DNAAF9: variants seen among roughly 807,000 people sequenced by gnomAD.
The protein encoded by DNAAF9 is shulin.
In DNAAF9, 90 loss-of-function variants were observed where a neutral mutation model predicts 167.0. That is an observed-to-expected ratio of 0.54 (90% CI 0.45 to 0.64). The LOEUF is 0.64. Among genes scored for constraint, DNAAF9 ranks in the 30% least tolerant of loss-of-function variants. The probability of loss-of-function intolerance (pLI) is 0.00; values close to 1 mark genes in which losing one functional copy is unlikely to be tolerated. For missense variants in DNAAF9, 1,315 were observed against 1,442.2 expected, an observed-to-expected ratio of 0.91 and a Z score of 1.43; for synonymous variants, 491 against 508.8, an observed-to-expected ratio of 0.96 and a Z score of 0.47.
chr20:3,370,975 T>TA (rs1296918412), intron 6 of DNAAF9, among the ~76,000 whole-genome samples: 1 of 152,172 alleles, frequency 6.6e-6, no homozygotes, highest in Non-Finnish European at 1.5e-5. Flanking sequence ...GACTATTACA[T>TA]AACAACCTTT....
rs760127533 is a variant in DNAAF9 at position 3,348,545 on chromosome 20, A to C, written c.769T>G (p.Ser257Ala). The change falls in exon 8 of 37, where the codon TCA (serine) becomes GCA (alanine). Residue 257 changes from serine (S) to alanine (A), a missense_variant. Transcript: ENST00000252032. ...DTEIPFLLEL[S>A]ESQAGEPFRS... is the part of the protein sequence containing the mutation. ...CATACCTCACCCGCCTGAGATTCTG[A>C]AAGTTCTAGCAGGAAAGGAATTTCT... The C allele has an allele frequency of 5.6e-6, 9 of 1,597,834 alleles. No individual in the cohort carries two copies. The highest frequency in any genetic ancestry group is 6.8e-6 in the Non-Finnish European group (8 of 1,169,740).
At chr20:3,303,013 T>C (rs1246363307) in intron 21 of DNAAF9, among the ~76,000 whole-genome samples, 1 of 151,860 alleles carries the variant, frequency 6.6e-6, no homozygotes, top group Non-Finnish European at 1.5e-5. Flanking sequence ...CCGAGGTGAG[T>C]GGATCACGAG....
In DNAAF9 at chr20:3,407,594, G is replaced by A. The variant is rs2084083066; in HGVS notation, c.-37C>T. On this transcript the variant is annotated 5_prime_UTR_variant, in exon 1 of 37. Transcript: ENST00000252032. ...ACTGGCGGCGGAGGAGGACGGTGCA[G>A]CTGCGAGGGTCTCAGTTGCCCGCAG... 6.6e-6 allele frequency: 8 copies of A among 1,217,070 alleles called. No individual in the cohort carries two copies. In the East Asian group the frequency reaches 2.6e-4, roughly 40 times the overall value. The allele number at this position is 1,217,070 out of a possible 1,614,324, so 75.4% of individuals were successfully genotyped here.
chr20:3,375,236 G>A lies in DNAAF9; in HGVS notation c.409-110C>T, dbSNP rs560831250. The A allele has an allele frequency of 1.3e-5, 9 of 711,576 alleles. No homozygotes were observed. In the South Asian group the frequency reaches 1.4e-4, roughly 11 times the overall value. 44.1% of individuals were successfully genotyped at this position (711,576 alleles called of 1,614,324 possible). ...GTTGTCCCAAATGACATTTACAGAGGACTGCACCCAAGGAGGTGTTTCCAA... is the reference window on the plus strand; with the variant it reads ...GTTGTCCCAAATGACATTTACAGAGAACTGCACCCAAGGAGGTGTTTCCAA... On this transcript the variant is annotated intron_variant, in intron 4 of 36. Coordinates refer to ENST00000252032, the MANE Select transcript of DNAAF9 (RefSeq NM_001009984.3).
chr20:3,400,945 C>T lies in DNAAF9; in HGVS notation c.83+6530G>A, dbSNP rs117539430. Among the ~76,000 whole-genome samples the T allele has an allele frequency of 6.7e-3, 1,018 of 152,308 alleles. 4 individuals are homozygous for T. The highest frequency in any genetic ancestry group is 9.0e-3 in the Non-Finnish European group (612 of 68,028). ...TTACTTCTACAGGCACCACACCAAG[C>T]CTTCCTGGCCAGCATCCAAGTAAAC... On this transcript the variant is annotated intron_variant, in intron 1 of 36. Coordinates refer to ENST00000252032, the MANE Select transcript of DNAAF9 (RefSeq NM_001009984.3).
intron 21 of DNAAF9, among the ~76,000 whole-genome samples, chr20:3,303,258 T>C (rs147413641): frequency 0.062 from 9,349 of 149,930 alleles, 370 homozygotes; most frequent in Non-Finnish European, 0.082. Context: ...AAAAAAAAAA[T>C]CAGTAACTGG....
At chr20:3,257,051 G>A (rs1398976879) in intron 33 of DNAAF9, among the ~76,000 whole-genome samples, 1 of 152,056 alleles carries the variant, frequency 6.6e-6, no homozygotes, top group African/African-American at 2.4e-5. Flanking sequence ...GTTGCACGAA[G>A]GTCACACAGA....
intron 5 of DNAAF9, among the ~76,000 whole-genome samples, chr20:3,374,730 C>A (rs189605537): frequency 7.1e-4 from 108 of 152,284 alleles, no homozygotes; most frequent in Non-Finnish European, 1.3e-3. Context: ...TACCAAGATG[C>A]CCCAACATCT....
chr20:3,293,372 G>GAGGCAAGAGC (rs1351783668), intron 25 of DNAAF9, among the ~76,000 whole-genome samples: 1 of 150,186 alleles, frequency 6.7e-6, no homozygotes, highest in African/African-American at 2.5e-5. Flanking sequence ...GACGAAGTGT[G>GAGGCAAGAGC]AGGCAAGAGC....
chr20:3,335,552 T>G (rs1600807650), intron 10 of DNAAF9, among the ~76,000 whole-genome samples: 1 of 151,640 alleles, frequency 6.6e-6, no homozygotes, highest in South Asian at 2.1e-4. Flanking sequence ...AGGTCAGGAG[T>G]TCGAGACCAG....
At chr20:3,397,341 C>T (rs1489117037) in intron 1 of DNAAF9, among the ~76,000 whole-genome samples, 3 of 73,398 alleles carry the variant, frequency 4.1e-5, no homozygotes, top group Non-Finnish European at 8.9e-5. Flanking sequence ...TTTTTTGAGA[C>T]GGAGTCTCGC....
At chr20:3,367,422 G>A (rs1027768252) in intron 6 of DNAAF9, among the ~76,000 whole-genome samples, 1 of 152,190 alleles carries the variant, frequency 6.6e-6, no homozygotes, top group Non-Finnish European at 1.5e-5. Context: ...CAACTTAGCT[G>A]TTTGGTGCAA....
At chr20:3,407,056 A>T (rs2084069482) in intron 1 of DNAAF9, among the ~76,000 whole-genome samples, 1 of 152,138 alleles carries the variant, frequency 6.6e-6, no homozygotes, top group Admixed American at 6.5e-5. Context: ...GTAGAGTAGC[A>T]GTTTCTGAGG....
chr20:3,393,240 C>T (rs534960998), intron 1 of DNAAF9, among the ~76,000 whole-genome samples: 1 of 152,234 alleles, frequency 6.6e-6, no homozygotes, highest in South Asian at 2.1e-4. Flanking sequence ...TAAAGTGGCA[C>T]AGTCTTAGCT....
At chr20:3,378,703 T>C (rs533148683) in intron 3 of DNAAF9, among the ~76,000 whole-genome samples, 1 of 152,250 alleles carries the variant, frequency 6.6e-6, no homozygotes, top group South Asian at 2.1e-4. Context: ...GAACACCTGA[T>C]GCAGCAGGTG....
chr20:3,356,037 T>C (rs2083281935), intron 7 of DNAAF9, among the ~76,000 whole-genome samples: 1 of 152,194 alleles, frequency 6.6e-6, no homozygotes, highest in African/African-American at 2.4e-5. Flanking sequence ...CTTTTATTTA[T>C]TTTTTTAGAC....
intron 20 of DNAAF9, among the ~76,000 whole-genome samples, chr20:3,311,380 C>T (rs2123018043): frequency 6.6e-6 from 1 of 152,112 alleles, no homozygotes; most frequent in African/African-American, 2.4e-5. Context: ...CCTGCCTCAG[C>T]CTCCCAAAGT....
At chr20:3,401,405 G>C (rs143295171) in intron 1 of DNAAF9, among the ~76,000 whole-genome samples, 3 of 152,108 alleles carry the variant, frequency 2.0e-5, no homozygotes, top group Non-Finnish European at 4.4e-5. Context: ...GTTTTTCCAA[G>C]GCCAGGCTGG....
Position 3,294,220 on chromosome 20 carries a change from C to T in DNAAF9, c.2157G>A (p.Gln719=), listed in dbSNP as rs1323678491. ...GAAGATGGGTCCGCATCACAGGCTC[C>T]TGGCTAATGCTGCTGATGGCGAAAT... ...LQHFAISSIS[Q]EPVMRTHLPV... The change falls in exon 25 of 37, where the codon CAG becomes CAA. Residue 719 remains glutamine (Q), a synonymous_variant. Coordinates refer to ENST00000252032, the MANE Select transcript of DNAAF9 (RefSeq NM_001009984.3). 6 of 1,612,954 alleles carry T rather than the reference C, an allele frequency of 3.7e-6. 1 individual carries two copies. In the South Asian group the frequency reaches 6.6e-5, roughly 18 times the overall value.
Sources: allele counts gnomAD v4.1 joint callset (sites outside exome capture counted in the v4.1 genomes callset), GRCh38; gene constraint gnomAD v4.1.1; transcripts MANE v1.5; gene names NCBI Gene and HGNC (gene_info 2026-07-23, HGNC 2026-07-21).